Variants in CYFIP2 observed in about 807,000 individuals in gnomAD.
The protein encoded by CYFIP2 is cytoplasmic FMR1 interacting protein 2.
In CYFIP2, 29 loss-of-function variants were observed where a neutral mutation model predicts 158.7. The observed-to-expected ratio is 0.18, with a 90% CI of 0.14 to 0.25. The LOEUF is 0.25. CYFIP2 is among the 10% of genes least tolerant of loss of function. The probability of loss-of-function intolerance (pLI) is 1.00; values close to 1 mark genes in which losing one functional copy is unlikely to be tolerated. For missense variants in CYFIP2, 852 were observed against 1,639.5 expected (o/e 0.52, Z 8.29); for synonymous variants, 585 against 617.6 (o/e 0.95, Z 0.78).
At chr5:157,341,044 C>G in intron 22 of CYFIP2, 26 bp from the exon 23 acceptor site, 2 of 1,605,396 alleles carry the variant, frequency 1.2e-6, no homozygotes, top group East Asian at 4.5e-5. Flanking sequence ...CATATTAACT[C>G]TTTCCCATCC....
At chr5:157,383,747 CT>C (rs1199185422) in intron 28 of CYFIP2, among the ~76,000 whole-genome samples, 1 of 152,180 alleles carries the variant, frequency 6.6e-6, no homozygotes, top group Non-Finnish European at 1.5e-5. Flanking sequence ...ACACTAGATG[CT>C]TATGTAACAT....
At chr5:157,282,260 G>A (rs2113835175) in intron 1 of CYFIP2, among the ~76,000 whole-genome samples, 1 of 152,342 alleles carries the variant, frequency 6.6e-6, no homozygotes, top group South Asian at 2.1e-4. Flanking sequence ...AGGGGTAACA[G>A]TTATACCATA....
chr5:157,326,740 C>A (rs1761053088), intron 18 of CYFIP2, among the ~76,000 whole-genome samples: 3 of 152,238 alleles, frequency 2.0e-5, no homozygotes, highest in African/African-American at 4.8e-5. Context: ...TGCACACGCC[C>A]ACCTTGACCT....
intron 9 of CYFIP2, 83 bp from the exon 10 acceptor site, chr5:157,309,660 G>A (rs1759541186): frequency 1.6e-6 from 2 of 1,271,804 alleles, no homozygotes; most frequent in Non-Finnish European, 1.1e-6. Context: ...ACAGAGGCCT[G>A]CCTCCCACAG....
At chr5:157,329,661 T>A (rs150967842) in intron 19 of CYFIP2, among the ~76,000 whole-genome samples, 1 of 152,360 alleles carries the variant, frequency 6.6e-6, no homozygotes, top group African/African-American at 2.4e-5. Context: ...TCCAAAACAT[T>A]ATAATTTTGA....
At chr5:157,360,718 G>T (rs1391570284) in intron 25 of CYFIP2, among the ~76,000 whole-genome samples, 19 of 152,208 alleles carry the variant, frequency 1.2e-4, no homozygotes, top group Non-Finnish European at 1.5e-5. Context: ...CATATTTGGG[G>T]AGACTGAGGC....
intron 1 of CYFIP2, among the ~76,000 whole-genome samples, chr5:157,273,619 C>G (rs897861084): frequency 2.0e-5 from 3 of 152,002 alleles, no homozygotes; most frequent in Admixed American, 1.3e-4. Flanking sequence ...TTTTCCTCCC[C>G]TGCTATCCCC....
intron 11 of CYFIP2, 53 bp from the exon 12 acceptor site, chr5:157,314,290 CA>C: frequency 6.3e-7 from 1 of 1,585,560 alleles, no homozygotes; most frequent in Non-Finnish European, 8.6e-7. Context: ...AATGAGATAA[CA>C]TATAAAAGTG....
intron 28 of CYFIP2, chr5:157,384,212 C>A (rs992650327): frequency 2.0e-5 from 9 of 446,006 alleles, no homozygotes; most frequent in Non-Finnish European, 4.1e-5. Context: ...AGGACCCCTG[C>A]CTTCAGAGAA....
chr5:157,373,529 GCT>G (rs1765188517), intron 26 of CYFIP2, among the ~76,000 whole-genome samples: 1 of 152,162 alleles, frequency 6.6e-6, no homozygotes, highest in Admixed American at 6.5e-5. Flanking sequence ...GAAAGAGCAT[GCT>G]CTGAGAGCTG....
chr5:157,379,233 T>C (rs1765793698), intron 26 of CYFIP2, among the ~76,000 whole-genome samples: 1 of 152,196 alleles, frequency 6.6e-6, no homozygotes, highest in Non-Finnish European at 1.5e-5. Flanking sequence ...TTGTTTTCTC[T>C]TGTCATATCT....
Position 157,326,258 on chromosome 5 carries a change from A to G in CYFIP2, c.2070A>G (p.Ile690Met), listed in dbSNP as rs1292109821. Reference protein sequence around the residue: ...KFKKQFLYDEIEAEVNLCFDQ... With the variant: ...KFKKQFLYDEMEAEVNLCFDQ... The stretch of plus-strand genomic sequence containing the variant: ...AAAAGCAGTTCCTGTACGATGAGAT[A>G]GAAGCTGAGGCAAGTGATGTGCTTC... Residue 690 changes from isoleucine to methionine, a missense_variant, in exon 18 of 31, where the codon ATA becomes ATG. Transcript: ENST00000620254. 6.2e-7 allele frequency: 1 copy of G among 1,612,982 alleles called. No individual in the cohort carries two copies. The highest frequency in any genetic ancestry group is 8.5e-7 in the Non-Finnish European group (1 of 1,179,038).
intron 26 of CYFIP2, among the ~76,000 whole-genome samples, chr5:157,379,470 TA>T (rs576583235): frequency 8.1e-5 from 12 of 147,566 alleles, no homozygotes; most frequent in East Asian, 3.9e-4. Context: ...TTCCTACTTA[TA>T]AAAAAAAACT....
chr5:157,350,945 A>G (rs1167326652), intron 23 of CYFIP2, among the ~76,000 whole-genome samples: 1 of 152,162 alleles, frequency 6.6e-6, no homozygotes, highest in African/African-American at 2.4e-5. Flanking sequence ...GTGTTGGTGT[A>G]TAGCATGAGC....
chr5:157,322,482 A>G (rs925146337), intron 15 of CYFIP2, among the ~76,000 whole-genome samples: 2 of 152,242 alleles, frequency 1.3e-5, no homozygotes, highest in Non-Finnish European at 2.9e-5. Context: ...TATCAACTGG[A>G]CAGCACCCAC....
intron 13 of CYFIP2, among the ~76,000 whole-genome samples, chr5:157,317,005 G>A (rs62389531): frequency 1.3e-5 from 2 of 152,186 alleles, no homozygotes; most frequent in African/African-American, 4.8e-5. Context: ...AGAGGACAAA[G>A]TCATCCTCAA....
rs1221259270 is a variant in CYFIP2 at position 157,393,070 on chromosome 5, G to C, written c.*70G>C. The C allele has an allele frequency of 6.4e-7, 1 of 1,565,006 alleles. No homozygotes were observed. The highest frequency in any genetic ancestry group is 1.4e-5 in the African/African-American group (1 of 73,776). On this transcript the variant is annotated 3_prime_UTR_variant, in exon 31 of 31. Transcript: ENST00000620254. ...GGAGAGAGAAAGCCACAGCCAGCCT[G>C]CCATAGGATCCAACTGGACAACGTG...
At chr5:157,285,520 TGGGGATCCC>T (rs1171759914) in intron 2 of CYFIP2, 42 bp downstream of exon 2, 1 of 1,523,182 alleles carries the variant, frequency 6.6e-7, no homozygotes, top group Non-Finnish European at 8.9e-7. Flanking sequence ...CCAGGAATTC[TGGGGATCCC>T]CTAAGAGAGT....
intron 1 of CYFIP2, among the ~76,000 whole-genome samples, chr5:157,275,627 CTGAG>C (rs752765740): frequency 7.2e-4 from 110 of 152,216 alleles, no homozygotes; most frequent in Non-Finnish European, 1.2e-3. Context: ...CTTGATTATC[CTGAG>C]TGAGTCCCTT....
Sources: gnomAD v4.1 joint callset for allele counts (sites outside exome capture counted in the v4.1 genomes callset) on GRCh38, gnomAD v4.1.1 for gene constraint, MANE v1.5 for transcripts, NCBI Gene and HGNC (gene_info 2026-07-23, HGNC 2026-07-21) for gene names.